Variants in CHN2 observed in about 807,000 individuals in gnomAD.
CHN2 encodes chimerin 2.
In CHN2, 35 loss-of-function variants were observed where a neutral mutation model predicts 56.3. The ratio of observed to expected loss-of-function variants is 0.62; its 90% CI spans 0.47 to 0.82. The LOEUF is 0.82. CHN2 is among the 40% of genes least tolerant of loss of function. The probability of loss-of-function intolerance (pLI) is 0.00; values close to 1 mark genes in which losing one functional copy is unlikely to be tolerated. For missense variants in CHN2, 491 were observed against 580.5 expected (o/e 0.85, Z 1.58); for synonymous variants, 210 against 212.8 (o/e 0.99, Z 0.12).
Position 29,488,871 on chromosome 7 carries a change from C to T in CHN2, c.655-7081C>T, listed in dbSNP as rs572108917. On this transcript the variant is annotated intron_variant, in intron 7 of 12. Coordinates refer to ENST00000222792, the MANE Select transcript of CHN2 (RefSeq NM_004067.4). The stretch of plus-strand genomic sequence containing the variant: ...AGCCCAAAATGTTAATCAGTAGTGC[C>T]GAGGCTAAGAAATCATGATGTATAC... Among the ~76,000 whole-genome samples, 35 of 152,198 alleles carry T rather than the reference C, an allele frequency of 2.3e-4. No individual in the cohort carries two copies. The South Asian group carries it at 5.0e-3, about 22-fold the overall frequency.
intron 4 of CHN2, chr7:29,397,882 T>G (rs561665426): frequency 6.5e-6 from 1 of 152,906 alleles, no homozygotes; most frequent in East Asian, 1.9e-4. Context: ...GGAAGAATGT[T>G]GATGATAGCT....
chr7:29,427,955 A>AT lies in CHN2; in HGVS notation c.576+27133dup, dbSNP rs1315593504. 2.6e-5 allele frequency among the ~76,000 whole-genome samples: 4 copies of AT among 152,018 alleles called. No homozygotes were observed. The East Asian group carries it at 7.7e-4, about 29-fold the overall frequency. On this transcript the variant is annotated intron_variant, in intron 6 of 12. Transcript: ENST00000222792. ...TAGGTTTGAACCTCCGCATCCGGCCATTTTTTATTCATGTTTATGTGACAT... is the reference window on the plus strand; with the variant it reads ...TAGGTTTGAACCTCCGCATCCGGCCATTTTTTTATTCATGTTTATGTGACAT...
In CHN2 at chr7:29,212,447, G is replaced by T. The variant is rs558669706; in HGVS notation, c.49+17457G>T. On this transcript the variant is annotated intron_variant, in intron 1 of 12. Coordinates refer to ENST00000222792, the MANE Select transcript of CHN2 (RefSeq NM_004067.4). ...CTTCTGCTGAGATGCCTCACACGGA[G>T]ACTGTCTCTCCTCTTCTTCCTCCAT... is the stretch of plus-strand genomic sequence containing the variant. The T allele has an allele frequency of 7.8e-4, 1,254 of 1,604,982 alleles. 2 individuals carry two copies. The highest frequency in any genetic ancestry group is 1.0e-3 in the Non-Finnish European group (1,194 of 1,173,460).
At chr7:29,382,648 T>A (rs1034064908) in intron 3 of CHN2, among the ~76,000 whole-genome samples, 2 of 152,194 alleles carry the variant, frequency 1.3e-5, no homozygotes, top group Non-Finnish European at 2.9e-5. Context: ...GGAGCTCACA[T>A]TGAGAGCTCA....
rs565707295 is a variant in CHN2, at chr7:29,277,986, G to A, written c.50-76639G>A. Reference sequence around the variant, plus strand: ...AGAAACTGAGGTGTAGAGGGGTTGAGTGTGTGCAGTCATATAGCGAGTATG... The same window carrying A: ...AGAAACTGAGGTGTAGAGGGGTTGAATGTGTGCAGTCATATAGCGAGTATG... On this transcript the variant is annotated intron_variant, in intron 1 of 12. Transcript: ENST00000222792. 4.6e-5 allele frequency among the ~76,000 whole-genome samples: 7 copies of A among 152,314 alleles called. No individual in the cohort carries two copies. In the South Asian group the frequency reaches 1.4e-3, roughly 32 times the overall value.
At chr7:29,378,170 A>G (rs923888996) in intron 3 of CHN2, among the ~76,000 whole-genome samples, 1 of 152,212 alleles carries the variant, frequency 6.6e-6, no homozygotes. Flanking sequence ...TTAGTGTTTC[A>G]TTAGTCTCAG....
chr7:29,232,807 A>T (rs759972321), intron 1 of CHN2, among the ~76,000 whole-genome samples: 1 of 152,112 alleles, frequency 6.6e-6, no homozygotes, highest in Non-Finnish European at 1.5e-5. Context: ...ACTGTTATTT[A>T]TACTCCCTGT....
chr7:29,400,665 C>A lies in CHN2; in HGVS notation c.413C>A (p.Thr138Lys). The change falls in exon 6 of 13, where the codon ACA (threonine) becomes AAA (lysine). Residue 138 changes from threonine to lysine, a missense_variant. Thr to Lys is a moderately conservative substitution (Grantham distance 78). Coordinates refer to ENST00000222792, the MANE Select transcript of CHN2 (RefSeq NM_004067.4). ...GGCTTGATAACACTGTACATAGAAA[C>A]AAAAGCTGCCGAGTACATTTCAAAA... ...TDGLITLYIE[T>K]KAAEYISKMT... 1.9e-6 allele frequency: 3 copies of A among 1,614,148 alleles called. No individual in the cohort carries two copies. Among genetic ancestry groups the A allele is most frequent in the Non-Finnish European group, 2.5e-6 (3 of 1,180,030 alleles).
intron 1 of CHN2, among the ~76,000 whole-genome samples, chr7:29,310,546 G>T (rs1794523684): frequency 1.3e-5 from 2 of 152,142 alleles, no homozygotes; most frequent in African/African-American, 4.8e-5. Flanking sequence ...ATACATATTT[G>T]TTTTGAAAGG....
chr7:29,391,945 A>T (rs1467710633), intron 3 of CHN2, among the ~76,000 whole-genome samples: 3 of 152,242 alleles, frequency 2.0e-5, no homozygotes, highest in Non-Finnish European at 4.4e-5. Flanking sequence ...TAGTATTACC[A>T]TGTGGCTCAT....
At chr7:29,410,340 G>T (rs1562585413) in intron 6 of CHN2, among the ~76,000 whole-genome samples, 1 of 151,882 alleles carries the variant, frequency 6.6e-6, no homozygotes, top group Non-Finnish European at 1.5e-5. Flanking sequence ...GTGGTTTTTG[G>T]CTGTGAGTAA....
intron 6 of CHN2, among the ~76,000 whole-genome samples, chr7:29,459,998 A>T (rs1279875104): frequency 6.6e-6 from 1 of 152,060 alleles, no homozygotes; most frequent in Non-Finnish European, 1.5e-5. Flanking sequence ...CCCCTTTCCA[A>T]GGTGGCAGCC....
At chr7:29,283,175 A>G (rs906233377) in intron 1 of CHN2, among the ~76,000 whole-genome samples, 9 of 152,180 alleles carry the variant, frequency 5.9e-5, no homozygotes, top group African/African-American at 2.2e-4. Context: ...ACAGTACCTT[A>G]GAGCTTTCCT....
At chr7:29,297,292 C>A (rs1459749091) in intron 1 of CHN2, among the ~76,000 whole-genome samples, 1 of 152,182 alleles carries the variant, frequency 6.6e-6, no homozygotes, top group Non-Finnish European at 1.5e-5. Context: ...TCCTAGTGTT[C>A]TGGGGACCCC....
chr7:29,268,346 T>G (rs1790326923), intron 1 of CHN2, among the ~76,000 whole-genome samples: 1 of 145,440 alleles, frequency 6.9e-6, no homozygotes, highest in Non-Finnish European at 1.5e-5. Context: ...TCATACCATT[T>G]GAAAAATAAT....
chr7:29,376,498 A>T (rs1287486235), intron 3 of CHN2: 1 of 152,250 alleles, frequency 6.6e-6, no homozygotes, highest in Non-Finnish European at 1.5e-5. Flanking sequence ...CCACACCTGA[A>T]TTACAAACCC....
Position 29,512,691 on chromosome 7 carries a change from CTG to C in CHN2, c.1364_1365del (p.Leu455HisfsTer42). Reference sequence around the variant, plus strand: ...CCTGCATGATATGCGGTACCAAAAGCTGATTGTGCAGATTTTAATAGAAAACG... The same window carrying C: ...CCTGCATGATATGCGGTACCAAAAGCATTGTGCAGATTTTAATAGAAAACG... ...TTLHDMRYQK[L>X]IVQILIENED... On this transcript the variant is annotated frameshift_variant, in exon 13 of 13. Coordinates refer to ENST00000222792, the MANE Select transcript of CHN2 (RefSeq NM_004067.4). LOFTEE classifies it high-confidence loss of function. 6.2e-7 allele frequency: 1 copy of C among 1,614,196 alleles called. No individual in the cohort carries two copies. Among genetic ancestry groups the C allele is most frequent in the Non-Finnish European group, 8.5e-7 (1 of 1,180,026 alleles).
chr7:29,385,321 T>C (rs1800832983), intron 3 of CHN2, among the ~76,000 whole-genome samples: 1 of 152,204 alleles, frequency 6.6e-6, no homozygotes, highest in Non-Finnish European at 1.5e-5. Flanking sequence ...TACTTAACAA[T>C]TCAAAGTTCT....
intron 2 of CHN2, among the ~76,000 whole-genome samples, chr7:29,159,899 A>C (rs959430832): frequency 2.0e-5 from 3 of 152,208 alleles, no homozygotes; most frequent in African/African-American, 7.2e-5. Flanking sequence ...ATAATGCTTA[A>C]GTATTTGTGG....
Sources: gnomAD v4.1 joint callset for allele counts (sites outside exome capture counted in the v4.1 genomes callset) on GRCh38, gnomAD v4.1.1 for gene constraint, MANE v1.5 for transcripts, NCBI Gene and HGNC (gene_info 2026-07-23, HGNC 2026-07-21) for gene names.